The following CELF4 variants were observed in gnomAD, a reference collection of about 807,000 sequenced individuals.
CELF4 encodes CUG-BP- and ETR-3-like factor 4.
In CELF4, 18 loss-of-function variants were observed where a neutral mutation model predicts 59.9. The observed-to-expected ratio is 0.30, with a 90% CI of 0.21 to 0.45. The LOEUF (loss-of-function observed/expected upper bound fraction) is 0.45, where lower values mean the gene tolerates loss of function less well. Among genes scored for constraint, CELF4 ranks in the 20% least tolerant of loss-of-function variants. The pLI is 1.00. For synonymous variants in CELF4, 261 were observed against 267.1 expected (o/e 0.98, Z 0.22); for missense variants, 456 against 689.0 (o/e 0.66, Z 3.79).
chr18:37,339,225 A>G (rs1443107241), intron 2 of CELF4, among the ~76,000 whole-genome samples: 2 of 152,184 alleles, frequency 1.3e-5, no homozygotes, highest in Non-Finnish European at 2.9e-5. Flanking sequence ...CCTGGAGATG[A>G]TATTAGGATA....
chr18:37,252,781 A>G (rs994718624), intron 12 of CELF4, among the ~76,000 whole-genome samples: 2 of 151,052 alleles, frequency 1.3e-5, no homozygotes, highest in Admixed American at 6.6e-5. Context: ...CACCTTCTCA[A>G]TCTTGCTCAC....
At chr18:37,337,110 C>A (rs1419028829) in intron 2 of CELF4, among the ~76,000 whole-genome samples, 2 of 151,950 alleles carry the variant, frequency 1.3e-5, no homozygotes, top group African/African-American at 4.8e-5. Context: ...CCTGTCTCTG[C>A]TTCCTCCTCA....
intron 8 of CELF4, among the ~76,000 whole-genome samples, chr18:37,269,193 T>C (rs933793445): frequency 1.3e-5 from 2 of 151,980 alleles, no homozygotes; most frequent in Non-Finnish European, 2.9e-5. Flanking sequence ...CCTACCAGCT[T>C]GGGGTCATCA....
At chr18:37,337,499 T>C (rs537016993) in intron 2 of CELF4, among the ~76,000 whole-genome samples, 2 of 152,330 alleles carry the variant, frequency 1.3e-5, no homozygotes, top group Admixed American at 1.3e-4. Context: ...CAGCTGTTCC[T>C]GATGGCATTC....
intron 2 of CELF4, among the ~76,000 whole-genome samples, chr18:37,326,689 TC>T (rs2097327603): frequency 6.6e-6 from 1 of 152,134 alleles, no homozygotes; most frequent in South Asian, 2.1e-4. Context: ...GGACTGTGTT[TC>T]TACTTCCAGC....
chr18:37,467,234 T>TA (rs942311762), intron 2 of CELF4, among the ~76,000 whole-genome samples: 2 of 152,166 alleles, frequency 1.3e-5, no homozygotes, highest in African/African-American at 4.8e-5. Flanking sequence ...TTAGGTTAAA[T>TA]AGAGTACTTC....
intron 2 of CELF4, among the ~76,000 whole-genome samples, chr18:37,450,975 G>T (rs2099761948): frequency 1.3e-5 from 2 of 152,188 alleles, no homozygotes. Flanking sequence ...CCACTGCCCT[G>T]AGTGTGGCTG....
At chr18:37,523,205 G>A (rs2099959583) in intron 1 of CELF4, among the ~76,000 whole-genome samples, 1 of 152,124 alleles carries the variant, frequency 6.6e-6, no homozygotes, top group African/African-American at 2.4e-5. Flanking sequence ...CAGACAGCGG[G>A]ACCACATGGA....
chr18:37,411,321 G>A (rs1034830700), intron 2 of CELF4, among the ~76,000 whole-genome samples: 3 of 152,186 alleles, frequency 2.0e-5, no homozygotes, highest in Admixed American at 6.5e-5. Context: ...CTCGAAGAGA[G>A]GGAAAGCCCA....
At position 37,273,082 on chromosome 18, in the gene CELF4, G is replaced by C; in HGVS notation, c.883C>G (p.Gln295Glu). ...TTGAGGGCCGCCATCTGCTGCATCTGGGCGGCAGCGAAGGCAGCCATGGGG... is the reference window on the plus strand; with the variant it reads ...TTGAGGGCCGCCATCTGCTGCATCTCGGCGGCAGCGAAGGCAGCCATGGGG... The part of the protein sequence containing the change: ...LNPMAAFAAA[Q>E]MQQMAALNMN... The change falls in exon 7 of 13, where the codon CAG (glutamine) becomes GAG (glutamate). Residue 295 changes from glutamine to glutamate, a missense_variant. Gln to Glu is a conservative substitution (Grantham distance 29). This residue lies in a region of CELF4 where 256 missense variants were observed against 340.8 expected (regional missense o/e 0.75). Transcript: ENST00000420428. 1 of 1,613,154 alleles carries C rather than the reference G, an allele frequency of 6.2e-7. No homozygotes were observed. The highest frequency in any genetic ancestry group is 8.5e-7 in the Non-Finnish European group (1 of 1,179,948).
chr18:37,260,890 G>A (rs2073894258), intron 10 of CELF4, among the ~76,000 whole-genome samples: 1 of 152,024 alleles, frequency 6.6e-6, no homozygotes, highest in African/African-American at 2.4e-5. Flanking sequence ...CCTGCTGGGG[G>A]ACGGCGCATT....
intron 1 of CELF4, among the ~76,000 whole-genome samples, chr18:37,508,464 A>G (rs2099940654): frequency 1.3e-5 from 2 of 152,354 alleles, no homozygotes; most frequent in Admixed American, 6.5e-5. Flanking sequence ...CACACTCAGC[A>G]GCTGAGGTCT....
intron 2 of CELF4, among the ~76,000 whole-genome samples, chr18:37,367,496 C>G (rs1330810891): frequency 6.6e-6 from 1 of 151,886 alleles, no homozygotes; most frequent in Admixed American, 6.6e-5. Context: ...TCTGGGAAGG[C>G]CTTTCTTGTC....
At chr18:37,539,500 C>T (rs930293972) in intron 1 of CELF4, among the ~76,000 whole-genome samples, 2 of 151,976 alleles carry the variant, frequency 1.3e-5, no homozygotes, top group African/African-American at 2.4e-5. Flanking sequence ...CACGCGTGCA[C>T]GTGCACACAC....
intron 3 of CELF4, among the ~76,000 whole-genome samples, chr18:37,302,564 G>A (rs1243197590): frequency 6.6e-6 from 1 of 152,160 alleles, no homozygotes; most frequent in Non-Finnish European, 1.5e-5. Context: ...TGAAGACGCT[G>A]GGATGACACT....
intron 1 of CELF4, among the ~76,000 whole-genome samples, chr18:37,521,148 G>A (rs903683610): frequency 1.3e-5 from 2 of 152,176 alleles, no homozygotes; most frequent in African/African-American, 4.8e-5. Context: ...AACTAGCCAA[G>A]TGACTGTGGC....
At chr18:37,362,150 AC>A (rs983380509) in intron 2 of CELF4, among the ~76,000 whole-genome samples, 1 of 151,674 alleles carries the variant, frequency 6.6e-6, no homozygotes, top group African/African-American at 2.4e-5. Context: ...AGTCACCCTG[AC>A]CCCCAGGGAC....
intron 3 of CELF4, among the ~76,000 whole-genome samples, chr18:37,319,605 C>A (rs1411200078): frequency 2.6e-5 from 4 of 152,208 alleles, no homozygotes; most frequent in African/African-American, 7.2e-5. Context: ...CAGGCACAGG[C>A]CCCAAGGATG....
intron 1 of CELF4, among the ~76,000 whole-genome samples, chr18:37,507,888 C>T (rs73947290): frequency 0.02 from 3,007 of 152,242 alleles, 103 homozygotes; most frequent in African/African-American, 0.068. Flanking sequence ...GGTTCTGCCA[C>T]GCTGGTGATC....
Sources: gnomAD v4.1 joint callset for allele counts (sites outside exome capture counted in the v4.1 genomes callset) on GRCh38, gnomAD v4.1.1 for gene constraint, gnomAD v4.1.1 regional missense constraint, MANE v1.5 for transcripts, NCBI Gene and HGNC (gene_info 2026-07-23, HGNC 2026-07-21) for gene names.